Variants in NELFE observed in about 807,000 individuals in gnomAD.
The protein encoded by NELFE is negative elongation factor complex member E.
Under a neutral mutation model 55.5 loss-of-function variants are expected in NELFE, and 26 were observed. The observed-to-expected ratio is 0.47, with a 90% CI of 0.34 to 0.65. The LOEUF is 0.65. Ranked by LOEUF, NELFE falls within the 30% of genes least tolerant of loss-of-function variation. NELFE has a pLI of 0.01. For synonymous variants in NELFE, 162 were observed against 178.0 expected, an observed-to-expected ratio of 0.91 and a Z score of 0.72; for missense variants, 403 against 506.9, an observed-to-expected ratio of 0.80 and a Z score of 1.97.
At chr6:31,958,590 A>C in intron 1 of NELFE, 136 bp from the exon 2 acceptor site, 1 of 760,676 alleles carries the variant, frequency 1.3e-6, no homozygotes, top group South Asian at 1.4e-5. Flanking sequence ...CCCTTGCTTA[A>C]ACCAGGCTGC....
intron 2 of NELFE, 105 bp from the exon 3 acceptor site, chr6:31,957,115 GC>G (rs1476240625): frequency 2.7e-5 from 27 of 986,506 alleles, no homozygotes; most frequent in Non-Finnish European, 4.0e-5. Flanking sequence ...CTTTCTTGAT[GC>G]CCTCAGAGTG....
intron 2 of NELFE, chr6:31,957,506 G>GT (rs1772162820): frequency 8.8e-6 from 4 of 456,168 alleles, no homozygotes; most frequent in Non-Finnish European, 4.4e-6. Flanking sequence ...CTGAAAGCTA[G>GT]TAAGATTTTC....
At chr6:31,958,315 C>T (rs770650014) in intron 2 of NELFE, 57 bp downstream of exon 2, 6 of 1,506,636 alleles carry the variant, frequency 4.0e-6, no homozygotes, top group Non-Finnish European at 5.5e-6. Context: ...CACCCCATAT[C>T]TTCTCAGAGT....
intron 2 of NELFE, among the ~76,000 whole-genome samples, chr6:31,958,067 C>T (rs958722280): frequency 6.6e-6 from 1 of 152,198 alleles, no homozygotes; most frequent in Non-Finnish European, 1.5e-5. Flanking sequence ...AGCTTCAACA[C>T]TGAGTATCTG....
chr6:31,956,846 G>T lies in NELFE; in HGVS notation c.146-8C>A. 6.2e-7 allele frequency: 1 copy of T among 1,613,066 alleles called. No homozygotes were observed. The highest frequency in any genetic ancestry group is 8.5e-7 in the Non-Finnish European group (1 of 1,180,044). On this transcript the variant is annotated splice_polypyrimidine_tract_variant and splice_region_variant and intron_variant, in intron 3 of 10. Transcript: ENST00000375429. ...CAGGCTGCTCTGATAGTGCTGGAGA[G>T]ACAAGGGGAAGAGGCATTATGTTGG...
chr6:31,954,114 T>G lies in NELFE; in HGVS notation c.908A>C (p.Glu303Ala). 6.2e-7 allele frequency: 1 copy of G among 1,613,942 alleles called. No individual in the cohort carries two copies. The highest frequency in any genetic ancestry group is 8.5e-7 in the Non-Finnish European group (1 of 1,180,002). Reference sequence around the variant, plus strand: ...GGCCTGATCTGCTGACTCCATCTTTTCATAGGTGACGAAGGCACAGCTGGG... The same window carrying G: ...GGCCTGATCTGCTGACTCCATCTTTGCATAGGTGACGAAGGCACAGCTGGG... ...PPRNCAFVTYEKMESADQAVA... is the reference protein window; with the variant it reads ...PPRNCAFVTYAKMESADQAVA... Residue 303 changes from glutamate (E) to alanine (A), a missense_variant, in exon 9 of 11, where the codon GAA (glutamate) becomes GCA (alanine). Transcript: ENST00000375429. This position sits in a 1 kb window ranked among gnomAD's most constrained non-coding sequence, Gnocchi z 5.5.
In NELFE at chr6:31,954,925, G is replaced by A. The variant is rs1771989037; in HGVS notation, c.405-33C>T. On this transcript the variant is annotated intron_variant, in intron 6 of 10. Transcript: ENST00000375429. This position sits in a 1 kb window ranked among gnomAD's most constrained non-coding sequence, Gnocchi z 5.5. Reference sequence around the variant, plus strand: ...GATGCAGACTGAAGATCAAAGGGGGGTTTTACCTTCTCCCCTCAGACCCTG... The same window carrying A: ...GATGCAGACTGAAGATCAAAGGGGGATTTTACCTTCTCCCCTCAGACCCTG... The A allele has an allele frequency of 1.9e-6, 3 of 1,582,902 alleles. No individual in the cohort carries two copies. The highest frequency in any genetic ancestry group is 2.7e-5 in the African/African-American group (2 of 73,814).
In NELFE at chr6:31,956,940, C is replaced by T; in HGVS notation, c.145+1G>A. ...CCATCCCCATTTCCCCTGTCACTCACAGCGTTTGACACCACCTTGGCTGGT... is the reference window on the plus strand; with the variant it reads ...CCATCCCCATTTCCCCTGTCACTCATAGCGTTTGACACCACCTTGGCTGGT... On this transcript the variant is annotated splice_donor_variant, in intron 3 of 10. Coordinates refer to ENST00000375429, the MANE Select transcript of NELFE (RefSeq NM_002904.6). LOFTEE classifies it high-confidence loss of function. 2 of 1,610,928 alleles carry T rather than the reference C, an allele frequency of 1.2e-6. No homozygotes were observed. The highest frequency in any genetic ancestry group is 1.1e-5 in the South Asian group (1 of 91,068).
chr6:31,952,527 G>A, intron 10 of NELFE, 129 bp from the exon 11 acceptor site: 4 of 612,226 alleles, frequency 6.5e-6, no homozygotes. Context: ...GCCCTCTGGT[G>A]GCCAGGATGG....
chr6:31,955,810 T>G (rs1772052786), intron 4 of NELFE, among the ~76,000 whole-genome samples: 1 of 152,050 alleles, frequency 6.6e-6, no homozygotes, highest in Non-Finnish European at 1.5e-5. Flanking sequence ...TGCTCTGTCG[T>G]CCAGGCTGGA....
Position 31,958,365 on chromosome 6 carries a change from C to T in NELFE, c.75+7G>A, listed in dbSNP as rs369893226. On this transcript the variant is annotated splice_region_variant and intron_variant, in intron 2 of 10. Transcript: ENST00000375429. Reference sequence around the variant, plus strand: ...AGGTTAGGCCATGTCCACACACAGTCCCTCACCTTTTTCTTGAGCTTGTTG... The same window carrying T: ...AGGTTAGGCCATGTCCACACACAGTTCCTCACCTTTTTCTTGAGCTTGTTG... 3 of 1,612,034 alleles carry T rather than the reference C, an allele frequency of 1.9e-6. No individual in the cohort carries two copies. The African/African-American group carries it at 4.0e-5, about 22-fold the overall frequency.
chr6:31,957,458 T>C (rs1264249358), intron 2 of NELFE: 1 of 462,312 alleles, frequency 2.2e-6, no homozygotes, highest in East Asian at 6.8e-5. Flanking sequence ...ATACATTGAG[T>C]TAGCAATACA....
intron 2 of NELFE, chr6:31,957,432 C>G (rs1003248402): frequency 5.1e-5 from 24 of 472,290 alleles, no homozygotes; most frequent in African/African-American, 4.5e-4. Flanking sequence ...AAGAAGCTTA[C>G]AGTCTGAGAA....
chr6:31,958,957 G>A lies in NELFE; in HGVS notation c.-74C>T. The A allele has an allele frequency of 1.7e-6, 1 of 602,098 alleles. No individual in the cohort carries two copies. Among genetic ancestry groups the A allele is most frequent in the East Asian group, 2.8e-5 (1 of 35,658 alleles). The allele number at this position is 602,098 out of a possible 1,614,324, so 37.3% of individuals were successfully genotyped here. ...CGCCCGCGCTGGCCGCTGATAGCGG[G>A]CTCACAACGATGACGTAGCGAGGAG... On this transcript the variant is annotated 5_prime_UTR_variant, in exon 1 of 11. Transcript: ENST00000375429.
intron 4 of NELFE, among the ~76,000 whole-genome samples, chr6:31,955,623 ATT>A (rs1187879033): frequency 1.3e-4 from 15 of 115,588 alleles, no homozygotes; most frequent in Admixed American, 1.7e-4. Flanking sequence ...TAATTTCTGT[ATT>A]TTTTTTTTTT....
chr6:31,956,613 G>A, intron 4 of NELFE, 80 bp downstream of exon 4: 2 of 1,448,700 alleles, frequency 1.4e-6, no homozygotes, highest in Non-Finnish European at 1.9e-6. Flanking sequence ...CAGTGCTTGA[G>A]TATGCATATT....
At chr6:31,958,588 T>A in intron 1 of NELFE, 134 bp from the exon 2 acceptor site, 1 of 762,226 alleles carries the variant, frequency 1.3e-6, no homozygotes, top group Non-Finnish European at 2.3e-6. Context: ...ACCCCTTGCT[T>A]AAACCAGGCT....
chr6:31,958,062 C>G (rs1311642321), intron 2 of NELFE, among the ~76,000 whole-genome samples: 3 of 152,176 alleles, frequency 2.0e-5, no homozygotes, highest in Non-Finnish European at 4.4e-5. Flanking sequence ...ATGATAGCTT[C>G]AACACTGAGT....
Position 31,954,398 on chromosome 6 carries a change from T to G in NELFE, c.787A>C (p.Thr263Pro). 1 of 1,611,332 alleles carries G rather than the reference T, an allele frequency of 6.2e-7. No homozygotes were observed. The highest frequency in any genetic ancestry group is 8.5e-7 in the Non-Finnish European group (1 of 1,178,908). ...ATGTCTTCTCCATATACATAGAGAG[T>G]ATTCCCTTTCCTAGGGGCTCGCCGT... ...PERRAPRKGNTLYVYGEDMTP... is the reference protein window; with the variant it reads ...PERRAPRKGNPLYVYGEDMTP... The change falls in exon 8 of 11, where the codon ACT becomes CCT. Residue 263 changes from threonine to proline, a missense_variant. Coordinates refer to ENST00000375429, the MANE Select transcript of NELFE (RefSeq NM_002904.6). This position sits in a 1 kb window ranked among gnomAD's most constrained non-coding sequence, Gnocchi z 5.5.
Sources: gnomAD v4.1 joint callset for allele counts (sites outside exome capture counted in the v4.1 genomes callset) on GRCh38, gnomAD v4.1.1 for gene constraint, Gnocchi (gnomAD v3.1) non-coding constraint, MANE v1.5 for transcripts, NCBI Gene and HGNC (gene_info 2026-07-23, HGNC 2026-07-21) for gene names.